Variants in AOAH observed in about 807,000 individuals in gnomAD.
AOAH encodes the protein acyloxyacyl hydrolase.
Under a neutral mutation model 92.2 loss-of-function variants are expected in AOAH, and 64 were observed. That is an observed-to-expected ratio of 0.69 (90% CI 0.57 to 0.86). The LOEUF (loss-of-function observed/expected upper bound fraction) is 0.86. AOAH is among the 40% of genes least tolerant of loss of function. The pLI is 0.00. For synonymous variants in AOAH, 263 were observed against 254.5 expected, an observed-to-expected ratio of 1.03 and a Z score of -0.32; for missense variants, 656 against 694.6, an observed-to-expected ratio of 0.94 and a Z score of 0.62.
chr7:36,641,299 A>T (rs1584011226), intron 4 of AOAH, among the ~76,000 whole-genome samples: 1 of 152,104 alleles, frequency 6.6e-6, no homozygotes, highest in Non-Finnish European at 1.5e-5. Context: ...ACAGGGATTC[A>T]CCCGGGAACT....
intron 3 of AOAH, among the ~76,000 whole-genome samples, chr7:36,667,633 C>T (rs915268539): frequency 6.6e-6 from 1 of 152,092 alleles, no homozygotes; most frequent in Non-Finnish European, 1.5e-5. Context: ...TGGATCTGTC[C>T]GTTTCTGATA....
chr7:36,608,911 G>C (rs888544661), intron 11 of AOAH, among the ~76,000 whole-genome samples: 7 of 100,928 alleles, frequency 6.9e-5, no homozygotes, highest in South Asian at 3.3e-4. Flanking sequence ...GCGGCGGGGA[G>C]GGGGGGGGGT....
intron 11 of AOAH, among the ~76,000 whole-genome samples, chr7:36,611,313 A>G (rs1210737763): frequency 1.3e-5 from 2 of 152,192 alleles, no homozygotes; most frequent in East Asian, 3.8e-4. Flanking sequence ...GTGAATTCCA[A>G]TGAACTGTTA....
At chr7:36,569,345 TCTC>T (rs546890230) in intron 13 of AOAH, among the ~76,000 whole-genome samples, 61 of 152,254 alleles carry the variant, frequency 4.0e-4, no homozygotes, top group African/African-American at 1.1e-3. Flanking sequence ...CTCAGTGACT[TCTC>T]CTCTGCAGGC....
At position 36,585,934 on chromosome 7, in the gene AOAH, G is replaced by T. The variant is rs189989988; in HGVS notation, c.938+8405C>A. On this transcript the variant is annotated intron_variant, in intron 12 of 20. Transcript: ENST00000617537. ...ATTCATATTTTGAGTAATTAAAAATGAAAAATTAAAAATAAATAGGGACAA... is the reference window on the plus strand; with the variant it reads ...ATTCATATTTTGAGTAATTAAAAATTAAAAATTAAAAATAAATAGGGACAA... Among the ~76,000 whole-genome samples, 49 of 152,166 alleles carry T rather than the reference G, an allele frequency of 3.2e-4. No homozygotes were observed. The Middle Eastern group carries it at 0.027, about 85-fold the overall frequency.
intron 6 of AOAH, among the ~76,000 whole-genome samples, chr7:36,624,942 C>T: frequency 6.6e-6 from 1 of 152,336 alleles, no homozygotes; most frequent in East Asian, 1.9e-4. Context: ...ACTGTTTCAG[C>T]CTTTTTAGCA....
intron 3 of AOAH, among the ~76,000 whole-genome samples, chr7:36,660,067 C>T (rs1754994945): frequency 6.6e-6 from 1 of 152,216 alleles, no homozygotes; most frequent in Non-Finnish European, 1.5e-5. Context: ...GCAACCCTCT[C>T]CTCTGCTAAC....
intron 6 of AOAH, among the ~76,000 whole-genome samples, chr7:36,626,619 A>T (rs1382444264): frequency 6.6e-6 from 1 of 152,256 alleles, no homozygotes; most frequent in African/African-American, 2.4e-5. Context: ...TATCATACTT[A>T]GTGTGAAAAT....
intron 11 of AOAH, among the ~76,000 whole-genome samples, chr7:36,599,490 C>A (rs1485063662): frequency 6.6e-6 from 1 of 152,188 alleles, no homozygotes; most frequent in East Asian, 1.9e-4. Flanking sequence ...CATGTACCTG[C>A]ATTAGACCTG....
At chr7:36,684,853 G>A (rs1459782227) in intron 2 of AOAH, among the ~76,000 whole-genome samples, 7 of 139,586 alleles carry the variant, frequency 5.0e-5, no homozygotes, top group Non-Finnish European at 9.1e-5. Context: ...GAGCCCGGGA[G>A]GTCAAGGCTG....
In AOAH at chr7:36,522,121, G is replaced by A. The variant is rs552021366; in HGVS notation, c.1523-6C>T. ...CTTCTGCCACTCCTGTATGACTGCA[G>A]GGCACATAACGAGAGGGTTACAGAC... On this transcript the variant is annotated splice_region_variant and splice_polypyrimidine_tract_variant and intron_variant, in intron 19 of 20. Coordinates refer to ENST00000617537, the MANE Select transcript of AOAH (RefSeq NM_001637.4). 52 of 1,614,044 alleles carry A rather than the reference G, an allele frequency of 3.2e-5. No individual in the cohort carries two copies. The highest frequency in any genetic ancestry group is 4.2e-5 in the Non-Finnish European group (50 of 1,179,922).
chr7:36,593,245 A>G (rs560652656), intron 12 of AOAH, among the ~76,000 whole-genome samples: 1 of 152,384 alleles, frequency 6.6e-6, no homozygotes, highest in South Asian at 2.1e-4. Context: ...CACCTGTAAC[A>G]TCTGTGCCTG....
intron 19 of AOAH, among the ~76,000 whole-genome samples, chr7:36,525,210 C>T (rs1331605785): frequency 6.6e-6 from 1 of 152,166 alleles, no homozygotes; most frequent in Non-Finnish European, 1.5e-5. Context: ...TGAATCAAAG[C>T]CCATGCCTGA....
At chr7:36,585,606 T>A (rs968902774) in intron 12 of AOAH, among the ~76,000 whole-genome samples, 3 of 152,036 alleles carry the variant, frequency 2.0e-5, no homozygotes, top group Admixed American at 6.6e-5. Context: ...GAGAAAAAAA[T>A]AACTATGCTA....
intron 20 of AOAH, among the ~76,000 whole-genome samples, chr7:36,517,213 T>TCTTC (rs1783804436): frequency 2.6e-5 from 1 of 38,578 alleles, no homozygotes; most frequent in Non-Finnish European, 6.2e-5. Flanking sequence ...TTTCTTTCTT[T>TCTTC]CTCTTTCTTT....
intron 1 of AOAH, among the ~76,000 whole-genome samples, chr7:36,716,824 G>A (rs1297535926): frequency 6.6e-6 from 1 of 151,844 alleles, no homozygotes; most frequent in African/African-American, 2.4e-5. Context: ...GGCCTGTTGT[G>A]GGGTGGAGGG....
At chr7:36,593,149 A>G (rs947697665) in intron 12 of AOAH, among the ~76,000 whole-genome samples, 4 of 152,158 alleles carry the variant, frequency 2.6e-5, no homozygotes, top group African/African-American at 9.7e-5. Context: ...TCTTCCTTGC[A>G]TTACCATTAT....
intron 6 of AOAH, among the ~76,000 whole-genome samples, chr7:36,626,297 C>T (rs1054304044): frequency 6.6e-6 from 1 of 152,132 alleles, no homozygotes; most frequent in African/African-American, 2.4e-5. Flanking sequence ...CAAAGCTATC[C>T]CCTCCCACCT....
At chr7:36,587,440 G>A (rs2116738165) in intron 12 of AOAH, among the ~76,000 whole-genome samples, 1 of 152,216 alleles carries the variant, frequency 6.6e-6, no homozygotes, top group Admixed American at 6.5e-5. Flanking sequence ...AGATTGATTA[G>A]TTGCAAGGTG....
Sources: gnomAD v4.1 joint callset for allele counts (sites outside exome capture counted in the v4.1 genomes callset) on GRCh38, gnomAD v4.1.1 for gene constraint, MANE v1.5 for transcripts, NCBI Gene and HGNC (gene_info 2026-07-23, HGNC 2026-07-21) for gene names.